Variants in PHKG2 observed in about 807,000 individuals in gnomAD.
The protein encoded by PHKG2 is phosphorylase b kinase gamma catalytic chain, liver/testis isoform.
Under a neutral mutation model 44.5 loss-of-function variants are expected in PHKG2, and 28 were observed. The ratio of observed to expected loss-of-function variants is 0.63; its 90% CI spans 0.47 to 0.86. The LOEUF is 0.86. Ranked by LOEUF, PHKG2 falls within the 40% of genes least tolerant of loss-of-function variation. PHKG2 has a pLI of 0.00. For synonymous variants in PHKG2, 220 were observed against 211.2 expected, an observed-to-expected ratio of 1.04 and a Z score of -0.36; for missense variants, 498 against 547.5, an observed-to-expected ratio of 0.91 and a Z score of 0.90.
chr16:30,760,671 G>A lies in PHKG2; in HGVS notation c.*3574G>A. Reference sequence around the variant, plus strand: ...TGGAATGGACGTCCAGGTACTTCCTGTTATAGTAAAAGAAAAAGAGTATTG... The same window carrying A: ...TGGAATGGACGTCCAGGTACTTCCTATTATAGTAAAAGAAAAAGAGTATTG... On this transcript the variant is annotated 3_prime_UTR_variant, in exon 10 of 10. Transcript: ENST00000563588. The A allele has an allele frequency of 6.5e-7, 1 of 1,528,948 alleles. No homozygotes were observed. Among genetic ancestry groups the A allele is most frequent in the Non-Finnish European group, 8.7e-7 (1 of 1,143,474 alleles). 94.7% of individuals were successfully genotyped at this position (1,528,948 alleles called of 1,614,324 possible).
rs1357344865 is a variant in PHKG2, at chr16:30,759,765, G to A, written c.*2668G>A. The A allele has an allele frequency of 1.1e-5, 18 of 1,569,494 alleles. No homozygotes were observed. Among genetic ancestry groups the A allele is most frequent in the Non-Finnish European group, 1.6e-5 (18 of 1,159,188 alleles). The stretch of plus-strand genomic sequence containing the variant: ...AGATGCAGCAGTGAGGCCCTCTCTG[G>A]TATCCATTCATTCACTTCACTCAAC... On this transcript the variant is annotated 3_prime_UTR_variant, in exon 10 of 10. Coordinates refer to ENST00000563588, the MANE Select transcript of PHKG2 (RefSeq NM_000294.3).
chr16:30,756,121 C>T, intron 6 of PHKG2, 61 bp from the exon 7 acceptor site: 1 of 1,229,060 alleles, frequency 8.1e-7, no homozygotes, highest in Non-Finnish European at 1.2e-6. Context: ...AGCAGAGATC[C>T]AGTGCTAAGG....
rs768078442 is a variant in PHKG2 at position 30,760,155 on chromosome 16, G to A, written c.*3058G>A. On this transcript the variant is annotated 3_prime_UTR_variant, in exon 10 of 10. Coordinates refer to ENST00000563588, the MANE Select transcript of PHKG2 (RefSeq NM_000294.3). ...GTGGATTGGAAAGCTGATGGCTTGT[G>A]TATGATGATGCTACTAATAATGACA... The A allele has an allele frequency of 2.5e-6, 4 of 1,582,558 alleles. No individual in the cohort carries two copies. The Admixed American group carries it at 5.3e-5, about 21-fold the overall frequency.
rs749979390 is a variant in PHKG2 at position 30,760,145 on chromosome 16, G to A, written c.*3048G>A. 47 of 1,571,380 alleles carry A rather than the reference G, an allele frequency of 3.0e-5. No homozygotes were observed. The highest frequency in any genetic ancestry group is 3.7e-5 in the Non-Finnish European group (43 of 1,165,500). On this transcript the variant is annotated 3_prime_UTR_variant, in exon 10 of 10. Transcript: ENST00000563588. ...TAAGGAAGCAGTGGATTGGAAAGCT[G>A]ATGGCTTGTGTATGATGATGCTACT...
At position 30,760,565 on chromosome 16, in the gene PHKG2, C is replaced by G; in HGVS notation, c.*3468C>G. The G allele has an allele frequency of 6.3e-7, 1 of 1,577,976 alleles. No individual in the cohort carries two copies. The highest frequency in any genetic ancestry group is 8.6e-7 in the Non-Finnish European group (1 of 1,161,302). ...ATGTTTTCCCAACCTGACCCCTCAG[C>G]CTTTGCCAAGAGCTCTTCCCACGCC... On this transcript the variant is annotated 3_prime_UTR_variant, in exon 10 of 10. Coordinates refer to ENST00000563588, the MANE Select transcript of PHKG2 (RefSeq NM_000294.3).
Position 30,757,080 on chromosome 16 carries a change from G to A in PHKG2, c.1204G>A (p.Val402Met), listed in dbSNP as rs777315776. The change falls in exon 10 of 10, where the codon GTG becomes ATG. Residue 402 changes from valine to methionine, a missense_variant. Transcript: ENST00000563588. ...TGCTGCTATAACTGAGGATGAGGCC[G>A]TGCTTGTGCTGGGCTAGGACCTCAA... ...DSAAITEDEAVLVLG is the reference protein window; with the variant it reads ...DSAAITEDEAMLVLG 1.1e-5 allele frequency: 18 copies of A among 1,613,168 alleles called. No individual in the cohort carries two copies. Among genetic ancestry groups the A allele is most frequent in the African/African-American group, 4.0e-5 (3 of 74,934 alleles).
Position 30,751,153 on chromosome 16 carries a change from A to G in PHKG2, c.143A>G (p.His48Arg). The change falls in exon 3 of 10, where the codon CAC becomes CGC. Residue 48 changes from histidine to arginine, a missense_variant. Transcript: ENST00000563588. Reference protein sequence around the residue: ...VRRCVHRATGHEFAVKIMEVT... With the variant: ...VRRCVHRATGREFAVKIMEVT... Reference sequence around the variant, plus strand: ...CGTTGTGTTCATCGAGCTACTGGCCACGAGTTTGCGGTGAAGATTATGGAA... The same window carrying G: ...CGTTGTGTTCATCGAGCTACTGGCCGCGAGTTTGCGGTGAAGATTATGGAA... 6.2e-7 allele frequency: 1 copy of G among 1,613,984 alleles called. No homozygotes were observed. Among genetic ancestry groups the G allele is most frequent in the Non-Finnish European group, 8.5e-7 (1 of 1,180,028 alleles).
At position 30,751,344 on chromosome 16, in the gene PHKG2, T is replaced by C. The variant is rs771481793; in HGVS notation, c.271+63T>C. On this transcript the variant is annotated intron_variant, in intron 3 of 9. Coordinates refer to ENST00000563588, the MANE Select transcript of PHKG2 (RefSeq NM_000294.3). ...CCCCACCTCCTGCTGGCCCTGCCCA[T>C]AGCCCACTTCCGCCAACATTGCCTC... The C allele has an allele frequency of 9.6e-6, 15 of 1,558,188 alleles. No individual in the cohort carries two copies. The Admixed American group carries it at 2.0e-4, about 21-fold the overall frequency.
At position 30,756,941 on chromosome 16, in the gene PHKG2, C is replaced by T; in HGVS notation, c.1065C>T (p.Phe355=). Residue 355 remains phenylalanine (F), a synonymous_variant, in exon 10 of 10, where the codon TTC becomes TTT. Coordinates refer to ENST00000563588, the MANE Select transcript of PHKG2 (RefSeq NM_000294.3). ...GGCACCTCATCGACAACTGTGCCTT[C>T]CGGCTCTACGGGCACTGGGTAAAGA... ...SVRHLIDNCA[F]RLYGHWVKKG... 6.2e-7 allele frequency: 1 copy of T among 1,613,798 alleles called. No homozygotes were observed. The highest frequency in any genetic ancestry group is 1.1e-5 in the South Asian group (1 of 91,086).
chr16:30,757,888 C>T lies in PHKG2; in HGVS notation c.*791C>T, dbSNP rs920449687. ...TGATCCCTACTCAGTAGCTGTGTGA[C>T]CTTAGGCAGGTTATTTAACCTATCT... On this transcript the variant is annotated 3_prime_UTR_variant, in exon 10 of 10. Transcript: ENST00000563588. 1 of 1,224,624 alleles carries T rather than the reference C, an allele frequency of 8.2e-7. No homozygotes were observed. The highest frequency in any genetic ancestry group is 1.1e-6 in the Non-Finnish European group (1 of 941,038). 75.9% of individuals were successfully genotyped at this position (1,224,624 alleles called of 1,614,324 possible).
Position 30,756,380 on chromosome 16 carries a change from G to T in PHKG2, c.661G>T (p.Val221Leu). Residue 221 changes from valine to leucine, a missense_variant, in exon 8 of 10, where the codon GTG becomes TTG. Val to Leu is a conservative substitution (Grantham distance 32). Coordinates refer to ENST00000563588, the MANE Select transcript of PHKG2 (RefSeq NM_000294.3). ...TCTCTTTCCCAGCTGGGCCTGTGGG[G>T]TGATCTTGTTCACACTCCTGGCTGG... is the stretch of plus-strand genomic sequence containing the variant. ...GKEVDLWACG[V>L]ILFTLLAGSP... The T allele has an allele frequency of 1.2e-6, 2 of 1,614,104 alleles. No individual in the cohort carries two copies. The highest frequency in any genetic ancestry group is 1.7e-6 in the Non-Finnish European group (2 of 1,180,026).
chr16:30,757,691 GA>G lies in PHKG2; in HGVS notation c.*595del. ...GGGAAGAAGGGGCAGGGTGAGGAGA[GA>G]TGCTGTCTGGCAATGGGGGGATGGT... On this transcript the variant is annotated 3_prime_UTR_variant, in exon 10 of 10. Coordinates refer to ENST00000563588, the MANE Select transcript of PHKG2 (RefSeq NM_000294.3). 1 of 1,574,252 alleles carries G rather than the reference GA, an allele frequency of 6.4e-7. No homozygotes were observed. The highest frequency in any genetic ancestry group is 1.8e-5 in the Admixed American group (1 of 55,600).
At position 30,759,117 on chromosome 16, in the gene PHKG2, A is replaced by G. The variant is rs770511048; in HGVS notation, c.*2020A>G. The stretch of plus-strand genomic sequence containing the variant: ...TCTTCTTTCTCTGCAAACCAGAAGC[A>G]GGAAGAGACTGTGGCCCCAGGCCTG... On this transcript the variant is annotated 3_prime_UTR_variant, in exon 10 of 10. Coordinates refer to ENST00000563588, the MANE Select transcript of PHKG2 (RefSeq NM_000294.3). 1 of 1,614,208 alleles carries G rather than the reference A, an allele frequency of 6.2e-7. No individual in the cohort carries two copies. Among genetic ancestry groups the G allele is most frequent in the South Asian group, 1.1e-5 (1 of 91,090 alleles).
chr16:30,754,707 G>A (rs190669479), intron 6 of PHKG2, among the ~76,000 whole-genome samples: 82 of 152,150 alleles, frequency 5.4e-4, no homozygotes, highest in Non-Finnish European at 1.0e-3. Flanking sequence ...TACTTTTCCC[G>A]TTTGTGGAAT....
At chr16:30,749,633 C>T (rs2053318997) in intron 2 of PHKG2, among the ~76,000 whole-genome samples, 2 of 152,202 alleles carry the variant, frequency 1.3e-5, no homozygotes, top group East Asian at 1.9e-4. Flanking sequence ...CGTGAGCCAC[C>T]GCGCCTGGTT....
chr16:30,749,055 G>GC (rs2053297246), intron 2 of PHKG2, 140 bp downstream of exon 2: 1 of 249,314 alleles, frequency 4.0e-6, no homozygotes, highest in Non-Finnish European at 7.5e-6. Context: ...GGTGGTGGTG[G>GC]TGGTGGTGGT....
Position 30,759,794 on chromosome 16 carries a change from T to G in PHKG2, c.*2697T>G. 1.3e-6 allele frequency: 2 copies of G among 1,536,268 alleles called. No homozygotes were observed. Among genetic ancestry groups the G allele is most frequent in the Non-Finnish European group, 1.7e-6 (2 of 1,145,082 alleles). ...CCATTCATTCACTTCACTCAACAGC[T>G]GTTTATGACCATGAGCTTCAGAAGC... is the stretch of plus-strand genomic sequence containing the variant. On this transcript the variant is annotated 3_prime_UTR_variant, in exon 10 of 10. Coordinates refer to ENST00000563588, the MANE Select transcript of PHKG2 (RefSeq NM_000294.3).
Position 30,760,166 on chromosome 16 carries a change from C to T in PHKG2, c.*3069C>T, listed in dbSNP as rs756494047. On this transcript the variant is annotated 3_prime_UTR_variant, in exon 10 of 10. Coordinates refer to ENST00000563588, the MANE Select transcript of PHKG2 (RefSeq NM_000294.3). ...AGCTGATGGCTTGTGTATGATGATG[C>T]TACTAATAATGACATATTCCAGGCA... 17 of 1,593,878 alleles carry T rather than the reference C, an allele frequency of 1.1e-5. 1 individual carries two copies. The South Asian group carries it at 1.7e-4, about 16-fold the overall frequency.
At position 30,756,439 on chromosome 16, in the gene PHKG2, G is replaced by A. The variant is rs758127060; in HGVS notation, c.720G>A (p.Leu240=). Residue 240 remains leucine (L), a synonymous_variant, in exon 8 of 10, where the codon CTG becomes CTA. Transcript: ENST00000563588. ...CCTTCTGGCACCGGCGGCAGATCCT[G>A]ATGTTACGCATGATCATGGAGGGCC... The part of the protein sequence containing the change: ...SPPFWHRRQI[L]MLRMIMEGQY... 1.9e-5 allele frequency: 30 copies of A among 1,613,848 alleles called. No homozygotes were observed. Among genetic ancestry groups the A allele is most frequent in the Non-Finnish European group, 2.3e-5 (27 of 1,180,028 alleles).
Sources: allele counts gnomAD v4.1 joint callset (sites outside exome capture counted in the v4.1 genomes callset), GRCh38; gene constraint gnomAD v4.1.1; transcripts MANE v1.5; gene names NCBI Gene and HGNC (gene_info 2026-07-23, HGNC 2026-07-21).